KIF1B: variants seen among roughly 807,000 people sequenced by gnomAD.
The protein encoded by KIF1B is kinesin-like protein KIF1B.
In KIF1B, 76 loss-of-function variants were observed where a neutral mutation model predicts 241.9. The ratio of observed to expected loss-of-function variants is 0.31; its 90% CI spans 0.26 to 0.38. KIF1B has a LOEUF of 0.38. KIF1B is among the 10% of genes least tolerant of loss of function. The pLI is 1.00. For synonymous variants in KIF1B, 750 were observed against 796.7 expected, an observed-to-expected ratio of 0.94 and a Z score of 0.99; for missense variants, 1,622 against 2,271.4, an observed-to-expected ratio of 0.71 and a Z score of 5.81.
intron 14 of KIF1B, among the ~76,000 whole-genome samples, chr1:10,281,281 G>A (rs1041338486): frequency 2.6e-5 from 4 of 152,088 alleles, no homozygotes; most frequent in Admixed American, 6.6e-5. Flanking sequence ...TTTAAAGTTG[G>A]ATTGCACCAA....
intron 7 of KIF1B, among the ~76,000 whole-genome samples, chr1:10,269,737 G>GA (rs1359013458): frequency 3.3e-5 from 5 of 152,168 alleles, no homozygotes; most frequent in Non-Finnish European, 2.9e-5. Context: ...AGAATCGCTT[G>GA]AACCTGGGAG....
At chr1:10,343,753 C>T (rs1032012134) in intron 34 of KIF1B, among the ~76,000 whole-genome samples, 8 of 151,834 alleles carry the variant, frequency 5.3e-5, no homozygotes, top group African/African-American at 9.7e-5. Flanking sequence ...AGCGAAACTC[C>T]GTCTCAAAAC....
intron 38 of KIF1B, among the ~76,000 whole-genome samples, chr1:10,360,518 C>T (rs1436227965): frequency 2.0e-5 from 3 of 152,050 alleles, no homozygotes; most frequent in East Asian, 1.9e-4. Context: ...AACCCTGTCT[C>T]TACTAAAAAT....
At chr1:10,276,271 T>G (rs1436692019) in intron 11 of KIF1B, 50 bp from the exon 12 acceptor site, 1 of 1,245,800 alleles carries the variant, frequency 8.0e-7, no homozygotes, top group Non-Finnish European at 1.2e-6. Flanking sequence ...TTCCATAAAA[T>G]TTTTCTTCTA....
intron 39 of KIF1B, 49 bp downstream of exon 39, chr1:10,361,092 G>A (rs1638409411): frequency 8.4e-7 from 1 of 1,193,734 alleles, no homozygotes; most frequent in Non-Finnish European, 1.3e-6. Flanking sequence ...GCCCTGAACA[G>A]TGTGCAGGTT....
At position 10,326,429 on chromosome 1, in the gene KIF1B, A is replaced by G; in HGVS notation, c.2924+70A>G. The G allele has an allele frequency of 6.2e-7, 1 of 1,601,898 alleles. No homozygotes were observed. The highest frequency in any genetic ancestry group is 8.5e-7 in the Non-Finnish European group (1 of 1,172,500). ...GCTCTGAAGGCCTCCCTGCTTGCACAATTTTGGATAACCTTGCATTAGCCA... is the reference window on the plus strand; with the variant it reads ...GCTCTGAAGGCCTCCCTGCTTGCACGATTTTGGATAACCTTGCATTAGCCA... On this transcript the variant is annotated intron_variant, in intron 27 of 48. Transcript: ENST00000676179. The surrounding 1 kb of genome is among the most constrained non-coding windows in gnomAD (Gnocchi z 5.2).
intron 6 of KIF1B, among the ~76,000 whole-genome samples, chr1:10,267,869 G>A (rs1648558340): frequency 1.3e-5 from 2 of 152,138 alleles, no homozygotes; most frequent in Non-Finnish European, 2.9e-5. Flanking sequence ...GAATAAATGA[G>A]CACCAATAAA....
chr1:10,245,012 T>C (rs1287153846), intron 2 of KIF1B, among the ~76,000 whole-genome samples: 3 of 152,210 alleles, frequency 2.0e-5, no homozygotes, highest in African/African-American at 7.2e-5. Flanking sequence ...GCTTGGTTAC[T>C]AAAGTTAATA....
chr1:10,271,194 T>A (rs1050147022), intron 7 of KIF1B, among the ~76,000 whole-genome samples: 26 of 151,414 alleles, frequency 1.7e-4, no homozygotes, highest in Middle Eastern at 6.8e-3. Context: ...TTAAAAAAAA[T>A]TTTTTTTTAG....
At chr1:10,313,371 AC>A (rs1013950184) in intron 22 of KIF1B, among the ~76,000 whole-genome samples, 41 of 150,696 alleles carry the variant, frequency 2.7e-4, no homozygotes, top group Admixed American at 2.7e-3. Context: ...CTAGCCTAGT[AC>A]CATCTTTATA....
chr1:10,304,922 AC>A, intron 22 of KIF1B: 1 of 1,293,082 alleles, frequency 7.7e-7, no homozygotes, highest in Non-Finnish European at 9.8e-7. Flanking sequence ...TAATATACTT[AC>A]TTACACAGAC....
intron 31 of KIF1B, 61 bp from the exon 32 acceptor site, chr1:10,339,708 A>G (rs924306001): frequency 1.4e-6 from 2 of 1,404,320 alleles, no homozygotes; most frequent in African/African-American, 1.4e-5. Flanking sequence ...GGCTCTTGAA[A>G]GAGATTCTGA....
At chr1:10,224,533 C>T (rs911102717) in intron 1 of KIF1B, among the ~76,000 whole-genome samples, 1 of 152,116 alleles carries the variant, frequency 6.6e-6, no homozygotes, top group Non-Finnish European at 1.5e-5. Context: ...ATCTACCCAC[C>T]TCAGCCTCTC....
intron 15 of KIF1B, among the ~76,000 whole-genome samples, chr1:10,285,915 T>G (rs186602966): frequency 1.6e-4 from 25 of 152,308 alleles, no homozygotes; most frequent in Admixed American, 2.0e-4. Flanking sequence ...TTATTTCCCT[T>G]TGTTTCTTTT....
intron 6 of KIF1B, among the ~76,000 whole-genome samples, chr1:10,267,842 G>A (rs1415276958): frequency 6.6e-6 from 1 of 152,076 alleles, no homozygotes; most frequent in Non-Finnish European, 1.5e-5. Context: ...ATGCGGCTGT[G>A]GTAGTAATTG....
At position 10,334,535 on chromosome 1, in the gene KIF1B, G is replaced by A. The variant is rs1279435643; in HGVS notation, c.2940G>A (p.Leu980=). 1 of 1,613,614 alleles carries A rather than the reference G, an allele frequency of 6.2e-7. No individual in the cohort carries two copies. The highest frequency in any genetic ancestry group is 1.7e-5 in the Admixed American group (1 of 60,012). The change falls in exon 28 of 49, where the codon CTG becomes CTA. Residue 980 remains leucine, a synonymous_variant. Coordinates refer to ENST00000676179, the MANE Select transcript of KIF1B (RefSeq NM_001365951.3). The part of the protein sequence containing the change: ...FILVGRAFVY[L]SNLLYPVPLI... ...CTGTCTTTAGGGCATTTGTTTACCT[G>A]AGCAATCTGCTGTATCCCGTGCCCC...
chr1:10,300,626 G>T (rs1020676115), intron 22 of KIF1B, among the ~76,000 whole-genome samples: 14 of 152,054 alleles, frequency 9.2e-5, no homozygotes, highest in African/African-American at 3.4e-4. Flanking sequence ...AAGAGGAAAA[G>T]AAAAACAGCC....
In KIF1B at chr1:10,258,484, T is replaced by A; in HGVS notation, c.184-9T>A. ...AAAGGTTATTTATTTCTCCTTTTAC[T>A]CTTTACAGCCCGAAGATCCCTGTTT... On this transcript the variant is annotated splice_polypyrimidine_tract_variant and intron_variant, in intron 3 of 48. Coordinates refer to ENST00000676179, the MANE Select transcript of KIF1B (RefSeq NM_001365951.3). 6.2e-7 allele frequency: 1 copy of A among 1,611,748 alleles called. No individual in the cohort carries two copies. The highest frequency in any genetic ancestry group is 8.5e-7 in the Non-Finnish European group (1 of 1,177,984).
rs1025991424 is a variant in KIF1B at position 10,342,056 on chromosome 1, G to A, written c.3520G>A (p.Val1174Met). The change falls in exon 33 of 49, where the codon GTG (valine) becomes ATG (methionine). Residue 1174 changes from valine (V) to methionine (M), a missense_variant. Around this residue, in one of 7 missense-constraint regions of KIF1B, gnomAD observed 803 missense variants for 1,112.0 expected, o/e 0.72. Coordinates refer to ENST00000676179, the MANE Select transcript of KIF1B (RefSeq NM_001365951.3). ...LAFYHVQNIA[V>M]EITESFVDYI... is the part of the protein sequence containing the mutation. Reference sequence around the variant, plus strand: ...TAATCTTGCTTGGCTTTAGATTGCAGTGGAGATCACTGAATCATTTGTGGA... The same window carrying A: ...TAATCTTGCTTGGCTTTAGATTGCAATGGAGATCACTGAATCATTTGTGGA... 2 of 1,596,426 alleles carry A rather than the reference G, an allele frequency of 1.3e-6. No homozygotes were observed. The highest frequency in any genetic ancestry group is 3.3e-5 in the Admixed American group (2 of 59,970).
Sources: allele counts gnomAD v4.1 joint callset (sites outside exome capture counted in the v4.1 genomes callset), GRCh38; gene constraint gnomAD v4.1.1; regional missense constraint gnomAD v4.1.1; non-coding constraint Gnocchi (gnomAD v3.1); transcripts MANE v1.5; gene names NCBI Gene and HGNC (gene_info 2026-07-23, HGNC 2026-07-21).